Variants in TRMT61B observed in about 807,000 individuals in gnomAD.
The protein encoded by TRMT61B is tRNA (adenine(58)-N(1))-methyltransferase, mitochondrial.
Under a neutral mutation model 52.0 loss-of-function variants are expected in TRMT61B, and 56 were observed. That is an observed-to-expected ratio of 1.08 (90% CI 0.87 to 1.35). TRMT61B has a LOEUF of 1.35. TRMT61B is among the 40% of genes most tolerant of loss of function. The pLI is 0.00. For missense variants in TRMT61B, 650 were observed against 577.9 expected (o/e 1.12, Z -1.28); for synonymous variants, 206 against 220.0 (o/e 0.94, Z 0.56).
In TRMT61B at chr2:28,851,150, T is replaced by C; in HGVS notation, c.1234A>G (p.Lys412Glu). ...NGILAQKVES[K>E]INTDVQLDSQ... ...TCTAGTTGTACATCTGTGTTGATTTTAGATTCTACTTTTTGAGCTAAAATT... is the reference window on the plus strand; with the variant it reads ...TCTAGTTGTACATCTGTGTTGATTTCAGATTCTACTTTTTGAGCTAAAATT... Residue 412 changes from lysine to glutamate, a missense_variant, in exon 5 of 7, where the codon AAA (lysine) becomes GAA (glutamate). By Grantham distance (56) the Lys-to-Glu change is moderately conservative. Coordinates refer to ENST00000306108, the MANE Select transcript of TRMT61B (RefSeq NM_017910.4). The C allele has an allele frequency of 6.2e-7, 1 of 1,613,706 alleles. No individual in the cohort carries two copies. The highest frequency in any genetic ancestry group is 8.5e-7 in the Non-Finnish European group (1 of 1,179,912).
chr2:28,852,045 G>C (rs572190968), intron 4 of TRMT61B, among the ~76,000 whole-genome samples: 2 of 151,816 alleles, frequency 1.3e-5, no homozygotes, highest in East Asian at 1.9e-4. Flanking sequence ...GGGCGTGGTG[G>C]CTCAAGCCTG....
chr2:28,856,986 T>C (rs1398736308), intron 3 of TRMT61B, among the ~76,000 whole-genome samples: 1 of 152,102 alleles, frequency 6.6e-6, no homozygotes, highest in African/African-American at 2.4e-5. Flanking sequence ...TAGGCTAAAG[T>C]GCAGTGGCAC....
rs773591165 is a variant in TRMT61B, at chr2:28,870,000, A to AG, written c.277dup (p.Leu93ProfsTer68). 4.3e-6 allele frequency: 7 copies of AG among 1,613,564 alleles called. No individual in the cohort carries two copies. ...CTCTCGAGGGGATGACTCTTCCCGCAGCGTCGGCAGTCTGAGGTTTTCCAG... is the reference window on the plus strand; with the variant it reads ...CTCTCGAGGGGATGACTCTTCCCGCAGGCGTCGGCAGTCTGAGGTTTTCCAG... On this transcript the variant is annotated frameshift_variant, in exon 1 of 7. Coordinates refer to ENST00000306108, the MANE Select transcript of TRMT61B (RefSeq NM_017910.4). LOFTEE classifies it high-confidence loss of function.
chr2:28,870,259 G>C lies in TRMT61B; in HGVS notation c.19C>G (p.Arg7Gly), dbSNP rs774959292. ...CGCAGGCACAGCAAGACAGGACCGC[G>C]GCACCATGCCATTAGCATAGTGTTT... MLMAWC[R>G]GPVLLCLRQG... The change falls in exon 1 of 7, where the codon CGC becomes GGC. Residue 7 changes from arginine (R) to glycine (G), a missense_variant. Coordinates refer to ENST00000306108, the MANE Select transcript of TRMT61B (RefSeq NM_017910.4). 3 of 1,594,922 alleles carry C rather than the reference G, an allele frequency of 1.9e-6. No homozygotes were observed. Among genetic ancestry groups the C allele is most frequent in the East Asian group, 2.2e-5 (1 of 44,632 alleles).
chr2:28,859,879 T>C (rs934015977), intron 3 of TRMT61B, among the ~76,000 whole-genome samples: 3 of 151,990 alleles, frequency 2.0e-5, no homozygotes, highest in Admixed American at 6.6e-5. Context: ...ATGCAAGCCA[T>C]AAATGAGAAA....
rs143823628 is a variant in TRMT61B at position 28,869,175 on chromosome 2, G to A, written c.699+404C>T. Among the ~76,000 whole-genome samples, 274 of 152,250 alleles carry A rather than the reference G, an allele frequency of 1.8e-3. 1 individual carries two copies. Among genetic ancestry groups the A allele is most frequent in the Non-Finnish European group, 2.4e-3 (160 of 68,012 alleles). ...AATATACTCTTGTAACATGATTATT[G>A]AATATTAAAATATCATCATAGTAGT... On this transcript the variant is annotated intron_variant, in intron 1 of 6. Coordinates refer to ENST00000306108, the MANE Select transcript of TRMT61B (RefSeq NM_017910.4).
Position 28,851,055 on chromosome 2 carries a change from G to A in TRMT61B, c.1312+17C>T, listed in dbSNP as rs1211731627. 4 of 1,555,468 alleles carry A rather than the reference G, an allele frequency of 2.6e-6. No homozygotes were observed. In the Admixed American group the frequency reaches 7.1e-5, roughly 28 times the overall value. On this transcript the variant is annotated intron_variant, in intron 5 of 6. Coordinates refer to ENST00000306108, the MANE Select transcript of TRMT61B (RefSeq NM_017910.4). ...CTCCATTCATTACTGCATGCATAAA[G>A]TAAAACTGAAGCTCACCATGGTCAT...
chr2:28,869,863 C>G lies in TRMT61B; in HGVS notation c.415G>C (p.Val139Leu), dbSNP rs138966415. 6.2e-7 allele frequency: 1 copy of G among 1,614,174 alleles called. No individual in the cohort carries two copies. The highest frequency in any genetic ancestry group is 1.3e-5 in the African/African-American group (1 of 75,052). Residue 139 changes from valine to leucine, a missense_variant, in exon 1 of 7, where the codon GTC (valine) becomes CTC (leucine). Transcript: ENST00000306108. ...QSATEVEERH[V>L]SPSCSTSRER... The stretch of plus-strand genomic sequence containing the variant: ...CTGGAAGTTGAACAAGAAGGGGAGA[C>G]GTGACGCTCTTCGACCTCGGTAGCG...
At chr2:28,863,406 G>A (rs995379894) in intron 2 of TRMT61B, among the ~76,000 whole-genome samples, 1 of 149,724 alleles carries the variant, frequency 6.7e-6, no homozygotes, top group African/African-American at 2.5e-5. Flanking sequence ...ATTCCAAACT[G>A]GGGAACAGAG....
chr2:28,852,367 T>C, intron 4 of TRMT61B, 41 bp downstream of exon 4: 1 of 1,238,010 alleles, frequency 8.1e-7, no homozygotes, highest in African/African-American at 1.5e-5. Context: ...AAAAGTGCAC[T>C]TAAAAGTTAC....
At chr2:28,856,877 C>T (rs369253006) in intron 3 of TRMT61B, among the ~76,000 whole-genome samples, 10 of 151,670 alleles carry the variant, frequency 6.6e-5, no homozygotes, top group East Asian at 1.9e-4. Context: ...CCTCATGATC[C>T]GCCCGCCTTG....
intron 5 of TRMT61B, 42 bp downstream of exon 5, chr2:28,851,030 C>T: frequency 7.7e-7 from 1 of 1,298,832 alleles, no homozygotes; most frequent in Non-Finnish European, 1.1e-6. Context: ...GGAACTCATT[C>T]TCCATTCATT....
chr2:28,856,866 A>T (rs1669366952), intron 3 of TRMT61B, among the ~76,000 whole-genome samples: 1 of 151,914 alleles, frequency 6.6e-6, no homozygotes, highest in African/African-American at 2.4e-5. Flanking sequence ...CGAACTCCTG[A>T]CCTCATGATC....
intron 3 of TRMT61B, among the ~76,000 whole-genome samples, chr2:28,853,249 C>T (rs192515604): frequency 1.6e-3 from 244 of 151,640 alleles, no homozygotes; most frequent in African/African-American, 5.6e-3. Flanking sequence ...AATGTCACCT[C>T]GCTGCAACTT....
chr2:28,865,154 CAATA>C (rs1377744576), intron 1 of TRMT61B, 35 bp from the exon 2 acceptor site: 2 of 1,231,504 alleles, frequency 1.6e-6, no homozygotes, highest in Non-Finnish European at 2.4e-6. Flanking sequence ...ACTCAGCGAC[CAATA>C]AATATGTACT....
intron 3 of TRMT61B, among the ~76,000 whole-genome samples, chr2:28,853,303 G>A (rs942852021): frequency 2.0e-5 from 3 of 151,848 alleles, no homozygotes; most frequent in African/African-American, 7.3e-5. Context: ...AGCCTCTCGA[G>A]TAGCTGAGAC....
At chr2:28,851,627 C>T (rs1669100779) in intron 4 of TRMT61B, among the ~76,000 whole-genome samples, 2 of 152,152 alleles carry the variant, frequency 1.3e-5, no homozygotes, top group South Asian at 4.1e-4. Flanking sequence ...CGCCTGTAAT[C>T]CCAGCACTTT....
intron 3 of TRMT61B, among the ~76,000 whole-genome samples, chr2:28,857,189 C>T (rs537659687): frequency 6.6e-6 from 1 of 152,274 alleles, no homozygotes; most frequent in Admixed American, 6.5e-5. Context: ...CCATCTCAGC[C>T]TCCCAAAGTG....
chr2:28,859,853 C>G (rs1572543702), intron 3 of TRMT61B, among the ~76,000 whole-genome samples: 1 of 152,112 alleles, frequency 6.6e-6, no homozygotes, highest in Non-Finnish European at 1.5e-5. Context: ...CTCTTTCCCC[C>G]TTATTGAGCT....
Sources: gnomAD v4.1 joint callset for allele counts (sites outside exome capture counted in the v4.1 genomes callset) on GRCh38, gnomAD v4.1.1 for gene constraint, MANE v1.5 for transcripts, NCBI Gene and HGNC (gene_info 2026-07-23, HGNC 2026-07-21) for gene names.